Variants in VAT1L observed in about 807,000 individuals in gnomAD.
VAT1L encodes vesicle amine transport 1 like.
A neutral mutation model predicts 44.1 loss-of-function variants in VAT1L; 34 were observed. The observed-to-expected ratio is 0.77, with a 90% CI of 0.59 to 1.03. The LOEUF is 1.03. VAT1L is among the 50% of genes least tolerant of loss of function. The probability of loss-of-function intolerance (pLI) is 0.00; values close to 1 mark genes in which losing one functional copy is unlikely to be tolerated. For missense variants in VAT1L, 615 were observed against 538.8 expected (o/e 1.14, Z -1.40); for synonymous variants, 253 against 202.2 (o/e 1.25, Z -2.13).
At chr16:77,807,902 G>C (rs1301471859) in intron 1 of VAT1L, among the ~76,000 whole-genome samples, 2 of 152,108 alleles carry the variant, frequency 1.3e-5, no homozygotes, top group Non-Finnish European at 2.9e-5. Flanking sequence ...GATTGCAGAG[G>C]ACTGCTTGGA....
intron 7 of VAT1L, among the ~76,000 whole-genome samples, chr16:77,965,322 T>G (rs775538775): frequency 6.6e-6 from 1 of 152,208 alleles, no homozygotes; most frequent in Non-Finnish European, 1.5e-5. Context: ...GTTGTTAGAA[T>G]GATATTACCA....
intron 7 of VAT1L, among the ~76,000 whole-genome samples, chr16:77,951,480 G>A (rs915732241): frequency 6.6e-6 from 1 of 152,132 alleles, no homozygotes; most frequent in Non-Finnish European, 1.5e-5. Context: ...CAAGAAGTGG[G>A]GGTTGCAGTG....
intron 1 of VAT1L, among the ~76,000 whole-genome samples, chr16:77,793,469 C>T (rs999698974): frequency 4.6e-5 from 7 of 152,272 alleles, no homozygotes; most frequent in Admixed American, 2.0e-4. Flanking sequence ...TGATACAAGT[C>T]AGAACTGTGC....
intron 7 of VAT1L, among the ~76,000 whole-genome samples, chr16:77,955,813 C>G (rs2018097793): frequency 6.6e-6 from 1 of 150,568 alleles, no homozygotes; most frequent in South Asian, 2.1e-4. Flanking sequence ...AGGAAATAAA[C>G]CATTCCTGGT....
intron 1 of VAT1L, among the ~76,000 whole-genome samples, chr16:77,799,713 C>T (rs532539803): frequency 6.6e-6 from 1 of 152,082 alleles, no homozygotes; most frequent in Non-Finnish European, 1.5e-5. Context: ...AGTGAAGAAT[C>T]GGAGGGGAAC....
chr16:77,835,180 T>A (rs1182209802), intron 3 of VAT1L, among the ~76,000 whole-genome samples: 1 of 152,178 alleles, frequency 6.6e-6, no homozygotes, highest in African/African-American at 2.4e-5. Context: ...CACAAGCCAA[T>A]TTTTTCTATA....
intron 7 of VAT1L, among the ~76,000 whole-genome samples, chr16:77,928,163 C>T (rs997153388): frequency 1.7e-4 from 26 of 152,236 alleles, no homozygotes; most frequent in Admixed American, 1.6e-3. Flanking sequence ...GAGCTGGCCT[C>T]CTTTTGTAAA....
At chr16:77,919,699 T>A (rs2017590504) in intron 7 of VAT1L, among the ~76,000 whole-genome samples, 1 of 152,226 alleles carries the variant, frequency 6.6e-6, no homozygotes, top group South Asian at 2.1e-4. Context: ...CCTTAGCTCC[T>A]GAGTTTGCAG....
intron 3 of VAT1L, among the ~76,000 whole-genome samples, chr16:77,830,187 A>G (rs2016564249): frequency 6.6e-6 from 1 of 152,062 alleles, no homozygotes; most frequent in African/African-American, 2.4e-5. Context: ...CTTATGGTGT[A>G]CTCCTAATGT....
chr16:77,862,725 T>C (rs404962), intron 3 of VAT1L, 23 bp from the exon 4 acceptor site: 59,369 of 1,605,876 alleles, frequency 0.037, 1,297 homozygotes, highest in Non-Finnish European at 0.041. Flanking sequence ...ATGTGTGACA[T>C]AGCTATTGTC....
intron 7 of VAT1L, among the ~76,000 whole-genome samples, chr16:77,893,326 A>G (rs1037389803): frequency 6.6e-6 from 1 of 152,220 alleles, no homozygotes; most frequent in African/African-American, 2.4e-5. Context: ...AAAGGAAATC[A>G]GAAATAAAGG....
At chr16:77,819,304 T>A (rs1386439786) in intron 2 of VAT1L, among the ~76,000 whole-genome samples, 1 of 152,220 alleles carries the variant, frequency 6.6e-6, no homozygotes, top group Non-Finnish European at 1.5e-5. Flanking sequence ...TTCGTGATTC[T>A]GTGAAGAACA....
chr16:77,925,488 T>A (rs1329740462), intron 7 of VAT1L, among the ~76,000 whole-genome samples: 11 of 152,176 alleles, frequency 7.2e-5, no homozygotes, highest in Non-Finnish European at 1.5e-4. Context: ...GGTCCATATA[T>A]GCAATGGCGC....
At chr16:77,951,741 C>A (rs1461072402) in intron 7 of VAT1L, among the ~76,000 whole-genome samples, 1 of 151,686 alleles carries the variant, frequency 6.6e-6, no homozygotes, top group East Asian at 1.9e-4. Flanking sequence ...ACAAGGGACA[C>A]AGAAAGGACT....
chr16:77,867,064 A>G (rs1035178571), intron 4 of VAT1L, among the ~76,000 whole-genome samples: 14 of 152,318 alleles, frequency 9.2e-5, no homozygotes, highest in South Asian at 4.1e-4. Context: ...TACGAGTTCA[A>G]TTAGACCATT....
intron 2 of VAT1L, among the ~76,000 whole-genome samples, chr16:77,818,647 A>G (rs2016396698): frequency 6.6e-6 from 1 of 152,204 alleles, no homozygotes; most frequent in African/African-American, 2.4e-5. Flanking sequence ...AGAACTTACT[A>G]TACTTGATTA....
intron 7 of VAT1L, among the ~76,000 whole-genome samples, chr16:77,898,201 T>C (rs1437995604): frequency 1.3e-5 from 2 of 152,182 alleles, no homozygotes; most frequent in African/African-American, 4.8e-5. Flanking sequence ...AGTATTGGAT[T>C]AGGGCCCACC....
At chr16:77,957,667 G>A (rs2018118707) in intron 7 of VAT1L, among the ~76,000 whole-genome samples, 1 of 151,856 alleles carries the variant, frequency 6.6e-6, no homozygotes, top group Non-Finnish European at 1.5e-5. Flanking sequence ...GGAGGTTGCA[G>A]TGAGCTGAGA....
At chr16:77,939,524 T>C (rs2017851335) in intron 7 of VAT1L, among the ~76,000 whole-genome samples, 1 of 152,208 alleles carries the variant, frequency 6.6e-6, no homozygotes, top group South Asian at 2.1e-4. Context: ...AACAGTTATG[T>C]GCTAGAAATA....
Sources: gnomAD v4.1 joint callset for allele counts (sites outside exome capture counted in the v4.1 genomes callset) on GRCh38, gnomAD v4.1.1 for gene constraint, MANE v1.5 for transcripts, NCBI Gene and HGNC (gene_info 2026-07-23, HGNC 2026-07-21) for gene names.